The following KIAA0319 variants were observed in gnomAD, a reference collection of about 807,000 sequenced individuals.
KIAA0319 encodes the protein KIAA0319.
In KIAA0319, 83 loss-of-function variants were observed where a neutral mutation model predicts 108.4. That is an observed-to-expected ratio of 0.77 (90% CI 0.64 to 0.92). The LOEUF (loss-of-function observed/expected upper bound fraction) is 0.92, where lower values mean the gene tolerates loss of function less well. KIAA0319 is among the 40% of genes least tolerant of loss of function. The pLI, the probability that KIAA0319 is intolerant of heterozygous loss-of-function variation, is 0.00. For missense variants in KIAA0319, 1,195 were observed against 1,322.4 expected, an observed-to-expected ratio of 0.90 and a Z score of 1.49; for synonymous variants, 484 against 510.4, an observed-to-expected ratio of 0.95 and a Z score of 0.70.
intron 1 of KIAA0319, among the ~76,000 whole-genome samples, chr6:24,634,454 G>A (rs193125644): frequency 6.6e-6 from 1 of 152,296 alleles, no homozygotes; most frequent in East Asian, 1.9e-4. Context: ...ACCAGAGAAA[G>A]AGCATCACAA....
chr6:24,581,964 C>T (rs566110563), intron 6 of KIAA0319, among the ~76,000 whole-genome samples: 20 of 152,176 alleles, frequency 1.3e-4, no homozygotes, highest in African/African-American at 4.6e-4. Context: ...GCCAACATGG[C>T]GAAACCCCAC....
chr6:24,556,778 C>T (rs1442100392), intron 17 of KIAA0319, 49 bp from the exon 18 acceptor site: 2 of 1,571,560 alleles, frequency 1.3e-6, no homozygotes, highest in South Asian at 1.2e-5. Context: ...AAAGGGAATC[C>T]CTGGATTCAG....
At chr6:24,581,117 A>G (rs992055471) in intron 6 of KIAA0319, 104 bp from the exon 7 acceptor site, 9 of 725,834 alleles carry the variant, frequency 1.2e-5, no homozygotes, top group Non-Finnish European at 2.2e-5. Context: ...TAAAGTCAGC[A>G]TAGAGAAGGG....
rs1199538326 is a variant in KIAA0319 at position 24,545,470 on chromosome 6, A to T, written c.*1695T>A. The T allele has an allele frequency of 6.6e-6, 1 of 152,148 alleles. No individual in the cohort carries two copies. Among genetic ancestry groups the T allele is most frequent in the African/African-American group, 2.4e-5 (1 of 41,416 alleles). 9.4% of individuals were successfully genotyped at this position (152,148 alleles called of 1,614,324 possible). The stretch of plus-strand genomic sequence containing the variant: ...AGAAATTCACATTTGCATGCAAACA[A>T]CCATAACCCTGGTCACCTGATAAGG... On this transcript the variant is annotated 3_prime_UTR_variant, in exon 21 of 21. Coordinates refer to ENST00000378214, the MANE Select transcript of KIAA0319 (RefSeq NM_014809.4).
At chr6:24,600,739 T>A in intron 2 of KIAA0319, 1 of 1,325,948 alleles carries the variant, frequency 7.5e-7, no homozygotes, top group Admixed American at 2.1e-5. Flanking sequence ...AGATTTCTGA[T>A]AAAAGGAAGT....
At chr6:24,540,246 A>G (rs766455436), downstream of KIAA0319, among the ~76,000 whole-genome samples, 40 of 152,210 alleles carry the variant, frequency 2.6e-4, no homozygotes, top group Admixed American at 1.1e-3. Context: ...ACATAATTGT[A>G]TGTGCTATAC....
At chr6:24,606,215 G>A (rs541057075) in intron 1 of KIAA0319, among the ~76,000 whole-genome samples, 1 of 152,252 alleles carries the variant, frequency 6.6e-6, no homozygotes, top group Admixed American at 6.5e-5. Context: ...GGGATTATAG[G>A]CGTGAGTTAC....
rs770233380 is a variant in KIAA0319, at chr6:24,547,182, A to C, written c.3202T>G (p.Cys1068Gly). ...CTGCGCCATTATCTGTCCTTTGAGCAATAACTGAAGGAAGCTCCATTTCTG... is the reference window on the plus strand; with the variant it reads ...CTGCGCCATTATCTGTCCTTTGAGCCATAACTGAAGGAAGCTCCATTTCTG... The part of the protein sequence containing the change: ...SIRNGASFSY[C>G]SKDR The change falls in exon 21 of 21, where the codon TGC (cysteine) becomes GGC (glycine). Residue 1068 changes from cysteine to glycine, a missense_variant. Cys to Gly is a radical substitution (Grantham distance 159). Coordinates refer to ENST00000378214, the MANE Select transcript of KIAA0319 (RefSeq NM_014809.4). The C allele has an allele frequency of 1.9e-6, 3 of 1,614,000 alleles. No individual in the cohort carries two copies. In the East Asian group the frequency reaches 6.7e-5, roughly 36 times the overall value.
Position 24,556,681 on chromosome 6 carries a change from T to G in KIAA0319, c.2783A>C (p.Lys928Thr), listed in dbSNP as rs1175606461. 2.5e-6 allele frequency: 4 copies of G among 1,613,902 alleles called. No individual in the cohort carries two copies. Among genetic ancestry groups the G allele is most frequent in the Non-Finnish European group, 3.4e-6 (4 of 1,179,994 alleles). The change falls in exon 18 of 21, where the codon AAG becomes ACG. Residue 928 changes from lysine to threonine, a missense_variant. Lys to Thr is a moderately conservative substitution (Grantham distance 78, BLOSUM62 -1). Coordinates refer to ENST00000378214, the MANE Select transcript of KIAA0319 (RefSeq NM_014809.4). ...CCATAAGTGAGAGCAAATGCAGCGC[T>G]TTGTGAGGGGGTCGCAGTGACCATG... is the stretch of plus-strand genomic sequence containing the variant. ...SGHGHCDPLTKRCICSHLWME... is the reference protein window; with the variant it reads ...SGHGHCDPLTTRCICSHLWME...
intron 5 of KIAA0319, chr6:24,583,052 T>A: frequency 1.0e-6 from 1 of 983,122 alleles, no homozygotes; most frequent in Non-Finnish European, 1.2e-6. Context: ...ACCTTAAGAA[T>A]GAGTTTACCT....
At chr6:24,643,516 C>T (rs188288439) in intron 1 of KIAA0319, among the ~76,000 whole-genome samples, 1 of 152,100 alleles carries the variant, frequency 6.6e-6, no homozygotes, top group East Asian at 1.9e-4. Flanking sequence ...TATTAAGCTA[C>T]CAGAATATTA....
intron 1 of KIAA0319, among the ~76,000 whole-genome samples, chr6:24,611,161 T>C (rs1772253192): frequency 6.6e-6 from 1 of 151,310 alleles, no homozygotes; most frequent in East Asian, 1.9e-4. Context: ...AATTATAAGA[T>C]GTACAGTTTT....
intron 9 of KIAA0319, among the ~76,000 whole-genome samples, chr6:24,577,311 AG>A (rs2127474468): frequency 6.6e-6 from 1 of 152,382 alleles, no homozygotes; most frequent in Non-Finnish European, 1.5e-5. Flanking sequence ...CTGAATTTTC[AG>A]CTACAAAGCT....
chr6:24,629,784 G>A (rs1251436550), intron 1 of KIAA0319, among the ~76,000 whole-genome samples: 6 of 152,136 alleles, frequency 3.9e-5, no homozygotes, highest in African/African-American at 1.4e-4. Flanking sequence ...CAGAACCTTG[G>A]AGAGGTACAC....
chr6:24,576,554 A>C lies in KIAA0319; in HGVS notation c.1548T>G (p.Thr516=). 1 of 1,614,148 alleles carries C rather than the reference A, an allele frequency of 6.2e-7. No individual in the cohort carries two copies. The highest frequency in any genetic ancestry group is 8.5e-7 in the Non-Finnish European group (1 of 1,180,002). ...CAGCATTGTTCACTATTAGGGCTGCAGTTGTAGAGTTAGTGGCTCCGTCCG... is the reference window on the plus strand; with the variant it reads ...CAGCATTGTTCACTATTAGGGCTGCCGTTGTAGAGTTAGTGGCTCCGTCCG... ...TDSDGATNST[T]AALIVNNAVD... is the part of the protein sequence containing the mutation. The change falls in exon 10 of 21, where the codon ACT becomes ACG. Residue 516 remains threonine (T), a synonymous_variant. Coordinates refer to ENST00000378214, the MANE Select transcript of KIAA0319 (RefSeq NM_014809.4).
At chr6:24,567,538 C>T (rs1764074049) in intron 13 of KIAA0319, among the ~76,000 whole-genome samples, 1 of 151,892 alleles carries the variant, frequency 6.6e-6, no homozygotes, top group African/African-American at 2.4e-5. Context: ...TCCACACACA[C>T]ACAAAATTAA....
At position 24,544,518 on chromosome 6, in the gene KIAA0319, AGGT is replaced by A. The variant is rs1421515696; in HGVS notation, c.*2644_*2646del. The A allele has an allele frequency of 6.6e-6, 1 of 152,222 alleles. No individual in the cohort carries two copies. Among genetic ancestry groups the A allele is most frequent in the Non-Finnish European group, 1.5e-5 (1 of 68,046 alleles). The allele number at this position is 152,222 out of a possible 1,614,324, so 9.4% of individuals were successfully genotyped here. On this transcript the variant is annotated 3_prime_UTR_variant, in exon 21 of 21. Transcript: ENST00000378214. ...AGTCACTCTCCTCCCCGCGCACAAA[AGGT>A]GGCATCACTGGCTTGTTGAGTGGTA...
At chr6:24,625,668 C>T (rs7755983) in intron 1 of KIAA0319, among the ~76,000 whole-genome samples, 110,678 of 152,068 alleles carry the variant, frequency 0.73, 41,261 homozygotes, top group African/African-American at 0.88. Context: ...ATCTTATATA[C>T]AGAAAATCCT....
rs969499902 is a variant in KIAA0319, at chr6:24,646,125, CGG to C, written c.-497_-496del. The C allele has an allele frequency of 2.0e-5, 3 of 152,202 alleles. No homozygotes were observed. Among genetic ancestry groups the C allele is most frequent in the African/African-American group, 7.2e-5 (3 of 41,446 alleles). 9.4% of individuals were successfully genotyped at this position (152,202 alleles called of 1,614,324 possible). On this transcript the variant is annotated 5_prime_UTR_variant, in exon 1 of 21. Transcript: ENST00000378214. ...CACAGGTGGAGCAAGGTTGCACCCC[CGG>C]GGGATCCCCGCCCACCGCCCGCGGC...
Sources: gnomAD v4.1 joint callset for allele counts (sites outside exome capture counted in the v4.1 genomes callset) on GRCh38, gnomAD v4.1.1 for gene constraint, MANE v1.5 for transcripts, NCBI Gene and HGNC (gene_info 2026-07-23, HGNC 2026-07-21) for gene names.